The following IRAG1 variants were observed in gnomAD, a reference collection of about 807,000 sequenced individuals.
IRAG1 encodes the protein IP3R-associated cGMP kinase substrate.
A neutral mutation model predicts 106.2 loss-of-function variants in IRAG1; 62 were observed. The observed-to-expected ratio is 0.58, with a 90% CI of 0.48 to 0.72. The LOEUF (loss-of-function observed/expected upper bound fraction) is 0.72. Among genes scored for constraint, IRAG1 ranks in the 30% least tolerant of loss-of-function variants. IRAG1 has a pLI of 0.00. For missense variants in IRAG1, 1,064 were observed against 1,140.7 expected, an observed-to-expected ratio of 0.93 and a Z score of 0.97; for synonymous variants, 462 against 443.9, an observed-to-expected ratio of 1.04 and a Z score of -0.51.
intron 18 of IRAG1, among the ~76,000 whole-genome samples, chr11:10,588,374 G>T (rs763451857): frequency 5.3e-5 from 8 of 151,956 alleles, no homozygotes; most frequent in Non-Finnish European, 8.8e-5. Flanking sequence ...ACAGGGTCTG[G>T]TTCTGTCGCT....
chr11:10,683,899 A>G (rs1396804134), intron 1 of IRAG1, among the ~76,000 whole-genome samples: 23 of 152,148 alleles, frequency 1.5e-4, no homozygotes, highest in African/African-American at 5.1e-4. Flanking sequence ...AAAAAAAAAA[A>G]AAAGCATGAT....
chr11:10,643,036 A>G (rs372961207), intron 2 of IRAG1, among the ~76,000 whole-genome samples: 7 of 152,028 alleles, frequency 4.6e-5, no homozygotes, highest in Admixed American at 6.5e-5. Flanking sequence ...TTAGCCGGGC[A>G]TGGTGGCGGG....
chr11:10,627,490 ATTGCCT>A (rs1261778302), intron 8 of IRAG1, among the ~76,000 whole-genome samples: 3 of 151,940 alleles, frequency 2.0e-5, no homozygotes, highest in African/African-American at 7.3e-5. Context: ...CGCTGTGAGT[ATTGCCT>A]CCACGGAGTT....
intron 17 of IRAG1, 158 bp downstream of exon 17, chr11:10,593,334 T>C: frequency 3.5e-6 from 2 of 570,792 alleles, no homozygotes; most frequent in South Asian, 4.1e-5. Context: ...GCCTGGTGTA[T>C]ATTGAGTTTT....
At chr11:10,681,426 TCTAA>T (rs565946237) in intron 1 of IRAG1, among the ~76,000 whole-genome samples, 375 of 152,328 alleles carry the variant, frequency 2.5e-3, no homozygotes, top group African/African-American at 8.5e-3. Context: ...TGATGCCCAT[TCTAA>T]CTGTCACCAA....
intron 2 of IRAG1, among the ~76,000 whole-genome samples, chr11:10,637,072 T>G (rs1857198874): frequency 6.6e-6 from 1 of 152,160 alleles, no homozygotes; most frequent in Admixed American, 6.5e-5. Context: ...AGGTTAGGCT[T>G]GAGAATAACT....
At chr11:10,663,525 T>C (rs1859559837) in intron 1 of IRAG1, among the ~76,000 whole-genome samples, 1 of 152,162 alleles carries the variant, frequency 6.6e-6, no homozygotes, top group Non-Finnish European at 1.5e-5. Flanking sequence ...TGCTGGGCAC[T>C]GGGGCTCTGG....
chr11:10,633,327 G>T (rs1022075377), intron 3 of IRAG1, among the ~76,000 whole-genome samples: 15 of 152,160 alleles, frequency 9.9e-5, no homozygotes, highest in Admixed American at 5.2e-4. Context: ...CACCCGCCTT[G>T]GCCTCCCAAA....
At chr11:10,650,760 G>T (rs1392668764) in intron 2 of IRAG1, among the ~76,000 whole-genome samples, 1 of 152,186 alleles carries the variant, frequency 6.6e-6, no homozygotes, top group Non-Finnish European at 1.5e-5. Flanking sequence ...GCTGCCTGAG[G>T]CTGAAGGGCT....
intron 1 of IRAG1, among the ~76,000 whole-genome samples, chr11:10,666,890 G>A (rs1234389700): frequency 6.6e-6 from 1 of 152,112 alleles, no homozygotes; most frequent in South Asian, 2.1e-4. Context: ...ACTGGGTTTT[G>A]GCAGGGTTTT....
In IRAG1 at chr11:10,631,234, A is replaced by G. The variant is rs147626188; in HGVS notation, c.400+757T>C. ...GTGAGGTAGTTTGAGTTGGGTTTCT[A>G]TCATTTGAAAAAGTCCCAATTGGTA... On this transcript the variant is annotated intron_variant, in intron 4 of 20. Coordinates refer to ENST00000423302, the MANE Select transcript of IRAG1 (RefSeq NM_130385.4). 4.2e-3 allele frequency among the ~76,000 whole-genome samples: 643 copies of G among 152,240 alleles called. 4 individuals are homozygous for G. The highest frequency in any genetic ancestry group is 0.015 in the African/African-American group (613 of 41,534).
intron 18 of IRAG1, among the ~76,000 whole-genome samples, chr11:10,588,730 C>T (rs1852313080): frequency 6.6e-6 from 1 of 152,126 alleles, no homozygotes; most frequent in Admixed American, 6.5e-5. Context: ...GTTAGGTGCT[C>T]ATTTTCTGTG....
At chr11:10,579,822 C>T (rs987701440) in intron 20 of IRAG1, among the ~76,000 whole-genome samples, 2 of 152,210 alleles carry the variant, frequency 1.3e-5, no homozygotes, top group African/African-American at 4.8e-5. Context: ...GGTCTATATT[C>T]TCTTTATCTA....
intron 1 of IRAG1, among the ~76,000 whole-genome samples, chr11:10,680,392 G>GGAAAGAAAGAAAGAAAGAAA (rs1861107240): frequency 1.4e-5 from 1 of 72,442 alleles, no homozygotes; most frequent in Admixed American, 1.3e-4. Context: ...AAGGAAGGAA[G>GGAAAGAAAGAAAGAAAGAAA]GAAGGAAGGA....
At chr11:10,607,299 G>A (rs1310999692) in intron 11 of IRAG1, among the ~76,000 whole-genome samples, 1 of 152,216 alleles carries the variant, frequency 6.6e-6, no homozygotes, top group Non-Finnish European at 1.5e-5. Flanking sequence ...TCTGAGGGCT[G>A]TGACAAAGGT....
intron 15 of IRAG1, among the ~76,000 whole-genome samples, chr11:10,594,544 T>C (rs1853057631): frequency 1.3e-5 from 2 of 152,216 alleles, no homozygotes; most frequent in Admixed American, 6.5e-5. Flanking sequence ...GGTTATTTCA[T>C]GCTCGTTCAA....
intron 10 of IRAG1, among the ~76,000 whole-genome samples, chr11:10,621,379 A>G (rs1855824442): frequency 6.6e-6 from 1 of 152,164 alleles, no homozygotes; most frequent in Admixed American, 6.5e-5. Context: ...TCTTATGCTG[A>G]GACTGGCCCC....
intron 8 of IRAG1, 123 bp from the exon 9 acceptor site, chr11:10,626,706 T>C (rs1455990707): frequency 8.5e-7 from 1 of 1,171,946 alleles, no homozygotes; most frequent in Non-Finnish European, 1.2e-6. Context: ...TGTATAAGTG[T>C]GTATGGGGTA....
At position 10,632,229 on chromosome 11, in the gene IRAG1, A is replaced by T. The variant is rs1856757111; in HGVS notation, c.330-168T>A. On this transcript the variant is annotated intron_variant, in intron 3 of 20. Transcript: ENST00000423302. ...TTGACTCAGTTTTACTCTGTCACCCAGGCTGGAGTGCAGTGGCGCAATCTC... is the reference window on the plus strand; with the variant it reads ...TTGACTCAGTTTTACTCTGTCACCCTGGCTGGAGTGCAGTGGCGCAATCTC... Among the ~76,000 whole-genome samples, 2 of 137,194 alleles carry T rather than the reference A, an allele frequency of 1.5e-5. 1 individual carries two copies. The highest frequency in any genetic ancestry group is 4.4e-4 in the South Asian group (2 of 4,534). The allele number at this position is 137,194 out of a possible 152,430, so 90.0% of individuals were successfully genotyped here. A position where few individuals can be genotyped will look rare whatever the true frequency, so the allele number is the denominator to read the frequency against.
Sources: gnomAD v4.1 joint callset for allele counts (sites outside exome capture counted in the v4.1 genomes callset) on GRCh38, gnomAD v4.1.1 for gene constraint, MANE v1.5 for transcripts, NCBI Gene and HGNC (gene_info 2026-07-23, HGNC 2026-07-21) for gene names.